BOLL: variants seen among roughly 807,000 people sequenced by gnomAD.
BOLL encodes boule RNA binding protein.
In BOLL, 23 loss-of-function variants were observed where a neutral mutation model predicts 44.4. The ratio of observed to expected loss-of-function variants is 0.52; its 90% CI spans 0.37 to 0.73. The LOEUF is 0.73. Ranked by LOEUF, BOLL falls within the 30% of genes least tolerant of loss-of-function variation. The probability of loss-of-function intolerance (pLI) is 0.00; values close to 1 mark genes in which losing one functional copy is unlikely to be tolerated. For missense variants in BOLL, 287 were observed against 338.3 expected (o/e 0.85, Z 1.19); for synonymous variants, 97 against 110.8 (o/e 0.88, Z 0.78).
intron 5 of BOLL, chr2:197,774,282 A>T (rs2106381167): frequency 6.0e-6 from 1 of 167,390 alleles, no homozygotes; most frequent in African/African-American, 2.4e-5. Context: ...TTTTTGCATA[A>T]ATCATGAGAC....
At chr2:197,772,541 T>C (rs1405169303) in intron 5 of BOLL, among the ~76,000 whole-genome samples, 3 of 151,982 alleles carry the variant, frequency 2.0e-5, no homozygotes, top group African/African-American at 7.2e-5. Flanking sequence ...GGCTGTCTTT[T>C]ATCTCTCTTT....
intron 3 of BOLL, among the ~76,000 whole-genome samples, chr2:197,777,857 C>T (rs555204460): frequency 3.9e-5 from 6 of 152,002 alleles, no homozygotes; most frequent in African/African-American, 9.6e-5. Flanking sequence ...AATATCTTCA[C>T]TATTTTCTTC....
At chr2:197,750,174 T>G (rs1387875874) in intron 9 of BOLL, among the ~76,000 whole-genome samples, 1 of 152,164 alleles carries the variant, frequency 6.6e-6, no homozygotes, top group African/African-American at 2.4e-5. Flanking sequence ...GAAAAACCAG[T>G]ACCAGTGACT....
chr2:197,739,271 T>G (rs1039392077), intron 10 of BOLL, among the ~76,000 whole-genome samples: 2 of 152,164 alleles, frequency 1.3e-5, no homozygotes, highest in African/African-American at 4.8e-5. Context: ...TATTTTTTTA[T>G]TTTAGAGATA....
intron 10 of BOLL, among the ~76,000 whole-genome samples, chr2:197,741,494 C>A (rs1240929317): frequency 1.3e-5 from 2 of 152,094 alleles, no homozygotes; most frequent in African/African-American, 4.8e-5. Context: ...ACAGAGCCCT[C>A]AGAAATAATG....
chr2:197,754,406 G>A (rs918693252), intron 9 of BOLL, among the ~76,000 whole-genome samples: 9 of 152,000 alleles, frequency 5.9e-5, no homozygotes, highest in East Asian at 1.9e-4. Context: ...TGTAAAACCC[G>A]AAACTATAGA....
intron 9 of BOLL, among the ~76,000 whole-genome samples, chr2:197,743,879 C>T (rs1242550682): frequency 1.3e-4 from 20 of 149,512 alleles, no homozygotes; most frequent in Admixed American, 9.3e-4. Flanking sequence ...GGTGTGATCT[C>T]GGCTCACTGC....
intron 3 of BOLL, among the ~76,000 whole-genome samples, chr2:197,777,641 C>T (rs191141500): frequency 8.6e-4 from 130 of 151,612 alleles, no homozygotes; most frequent in African/African-American, 3.0e-3. Context: ...TATGTACAAC[C>T]CAGATTTCAC....
intron 1 of BOLL, among the ~76,000 whole-genome samples, chr2:197,783,688 C>G (rs1689902893): frequency 6.6e-6 from 1 of 152,160 alleles, no homozygotes; most frequent in South Asian, 2.1e-4. Flanking sequence ...TCTCTGGGCA[C>G]TTGGAGGTTA....
intron 10 of BOLL, among the ~76,000 whole-genome samples, chr2:197,741,986 A>T (rs1687758654): frequency 6.6e-6 from 1 of 152,214 alleles, no homozygotes; most frequent in Non-Finnish European, 1.5e-5. Context: ...AAACAACCCC[A>T]TCAAAAAGTG....
chr2:197,750,278 T>A (rs1688175344), intron 9 of BOLL, among the ~76,000 whole-genome samples: 1 of 152,086 alleles, frequency 6.6e-6, no homozygotes, highest in Admixed American at 6.5e-5. Flanking sequence ...AACGACAGGA[T>A]CAAATTCACA....
chr2:197,752,315 G>C (rs900367713), intron 9 of BOLL, among the ~76,000 whole-genome samples: 1 of 152,180 alleles, frequency 6.6e-6, no homozygotes, highest in Non-Finnish European at 1.5e-5. Context: ...TCAGGCAAGA[G>C]AAAGAAATAA....
intron 9 of BOLL, among the ~76,000 whole-genome samples, chr2:197,749,458 A>G (rs1444894395): frequency 6.6e-6 from 1 of 152,108 alleles, no homozygotes. Context: ...CGCATGTTCT[A>G]ACCCAGTGCA....
At chr2:197,746,203 G>A (rs1687979860) in intron 9 of BOLL, among the ~76,000 whole-genome samples, 1 of 152,166 alleles carries the variant, frequency 6.6e-6, no homozygotes, top group Non-Finnish European at 1.5e-5. Flanking sequence ...TGGTGGGAAT[G>A]TAAATTAGTA....
chr2:197,757,289 G>A, intron 8 of BOLL, 64 bp downstream of exon 8: 1 of 1,389,514 alleles, frequency 7.2e-7, no homozygotes. Flanking sequence ...TAGTATTCAT[G>A]CAGTCATCAC....
Position 197,785,160 on chromosome 2 carries a change from C to G in BOLL, c.-120G>C, listed in dbSNP as rs1366838681. ...ACTTCCTCGAGTTCTCTCGGGTCAT[C>G]GTGAACTTGGGCACCGAAACGAGGA... is the stretch of plus-strand genomic sequence containing the variant. On this transcript the variant is annotated 5_prime_UTR_variant, in exon 1 of 11. Coordinates refer to ENST00000392296, the MANE Select transcript of BOLL (RefSeq NM_033030.6). The surrounding 1 kb of genome is among the most constrained non-coding windows in gnomAD (Gnocchi z 6.7). The G allele has an allele frequency of 1.0e-6, 1 of 985,826 alleles. No homozygotes were observed. The highest frequency in any genetic ancestry group is 1.2e-6 in the Non-Finnish European group (1 of 829,930). 61.1% of individuals were successfully genotyped at this position (985,826 alleles called of 1,614,324 possible). A position where few individuals can be genotyped will look rare whatever the true frequency, so the allele number is the denominator to read the frequency against.
intron 9 of BOLL, among the ~76,000 whole-genome samples, chr2:197,749,732 T>G (rs1312647347): frequency 6.6e-6 from 1 of 152,010 alleles, no homozygotes; most frequent in Non-Finnish European, 1.5e-5. Context: ...AATATGGGAC[T>G]ATGTGAAAAG....
At chr2:197,754,102 TAGGG>T (rs1688390305) in intron 9 of BOLL, among the ~76,000 whole-genome samples, 1 of 151,528 alleles carries the variant, frequency 6.6e-6, no homozygotes, top group African/African-American at 2.4e-5. Context: ...CACATGGACA[TAGGG>T]AGGGGAATAT....
chr2:197,739,704 C>T (rs1687651186), intron 10 of BOLL, among the ~76,000 whole-genome samples: 1 of 152,142 alleles, frequency 6.6e-6, no homozygotes, highest in Non-Finnish European at 1.5e-5. Flanking sequence ...TACCTACTCA[C>T]AGATCTAAGA....
Sources: gnomAD v4.1 joint callset for allele counts (sites outside exome capture counted in the v4.1 genomes callset) on GRCh38, gnomAD v4.1.1 for gene constraint, Gnocchi (gnomAD v3.1) non-coding constraint, MANE v1.5 for transcripts, NCBI Gene and HGNC (gene_info 2026-07-23, HGNC 2026-07-21) for gene names.